Variants in TFIP11 observed in about 807,000 individuals in gnomAD.
The protein encoded by TFIP11 is tuftelin interacting protein 11, also known as tuftelin-interacting protein 11.
Under a neutral mutation model 96.8 loss-of-function variants are expected in TFIP11, and 86 were observed. The observed-to-expected ratio is 0.89, with a 90% CI of 0.75 to 1.06. TFIP11 has a LOEUF of 1.06. Ranked by LOEUF, TFIP11 falls within the 50% of genes least tolerant of loss-of-function variation. TFIP11 has a pLI of 0.00. For synonymous variants in TFIP11, 405 were observed against 395.2 expected, an observed-to-expected ratio of 1.02 and a Z score of -0.29; for missense variants, 881 against 1,076.7, an observed-to-expected ratio of 0.82 and a Z score of 2.54.
chr22:26,506,956 A>G, intron 4 of TFIP11, 28 bp from the exon 5 acceptor site: 1 of 1,609,200 alleles, frequency 6.2e-7, no homozygotes, highest in Non-Finnish European at 8.5e-7. Context: ...AAGCCCCACC[A>G]GGTCGGTAAA....
chr22:26,494,175 G>C lies in TFIP11; in HGVS notation c.2122C>G (p.Leu708Val). 1 of 1,614,220 alleles carries C rather than the reference G, an allele frequency of 6.2e-7. No individual in the cohort carries two copies. The change falls in exon 14 of 15, where the codon CTT (leucine) becomes GTT (valine). Residue 708 changes from leucine (L) to valine (V), a missense_variant. By Grantham distance (32) the Leu-to-Val change is conservative (BLOSUM62 1). Transcript: ENST00000407690. ...PSVKDKFNEALDIMNRAVSSN... is the reference protein window; with the variant it reads ...PSVKDKFNEAVDIMNRAVSSN... Reference sequence around the variant, plus strand: ...GACACCGCCCGGTTCATGATATCAAGTGCCTCATTAAATTTGTCCTTGACA... The same window carrying C: ...GACACCGCCCGGTTCATGATATCAACTGCCTCATTAAATTTGTCCTTGACA...
chr22:26,491,597 A>G lies in TFIP11; in HGVS notation c.*416T>C. The G allele has an allele frequency of 6.2e-7, 1 of 1,614,212 alleles. No individual in the cohort carries two copies. The highest frequency in any genetic ancestry group is 8.5e-7 in the Non-Finnish European group (1 of 1,180,044). ...CCATAGATATTTGGGAGTTTCGGGA[A>G]GAACCAGATTATCAGGACTGTGAGG... On this transcript the variant is annotated 3_prime_UTR_variant, in exon 15 of 15. Transcript: ENST00000407690.
At chr22:26,498,326 C>T (rs957184821) in intron 10 of TFIP11, among the ~76,000 whole-genome samples, 2 of 152,238 alleles carry the variant, frequency 1.3e-5, no homozygotes, top group South Asian at 2.1e-4. Context: ...GGGTGGATCA[C>T]GAGGTCAGGA....
At chr22:26,500,878 C>CAT (rs1819946252) in intron 8 of TFIP11, among the ~76,000 whole-genome samples, 2 of 102,060 alleles carry the variant, frequency 2.0e-5, no homozygotes, top group Non-Finnish European at 3.8e-5. Context: ...TAACGGAAAA[C>CAT]TTTTTTTTTT....
chr22:26,505,305 A>C (rs1923264541), intron 6 of TFIP11, among the ~76,000 whole-genome samples: 1 of 152,102 alleles, frequency 6.6e-6, no homozygotes, highest in Admixed American at 6.6e-5. Context: ...AGACAGGAGG[A>C]GACTGGGCTA....
In TFIP11 at chr22:26,492,255, C is replaced by T. The variant is rs147941626; in HGVS notation, c.2272G>A (p.Ala758Thr). ...MQERREAENM[A>T]QRGIGVAASS... ...GCGGCCACGCCAATGCCCCTCTGAG[C>T]CATGTTCTCAGCCTCCCGCCTCTCC... The change falls in exon 15 of 15, where the codon GCT becomes ACT. Residue 758 changes from alanine (A) to threonine (T), a missense_variant. Physicochemically the swap from Ala to Thr is moderately conservative, Grantham distance 58. Coordinates refer to ENST00000407690, the MANE Select transcript of TFIP11 (RefSeq NM_012143.4). The T allele has an allele frequency of 1.6e-4, 265 of 1,614,106 alleles. No homozygotes were observed. Among genetic ancestry groups the T allele is most frequent in the Non-Finnish European group, 2.1e-4 (242 of 1,180,052 alleles).
chr22:26,509,239 A>T (rs1222471339), intron 4 of TFIP11, among the ~76,000 whole-genome samples: 1 of 152,052 alleles, frequency 6.6e-6, no homozygotes, highest in Non-Finnish European at 1.5e-5. Context: ...ATCCTTGTGG[A>T]TACCGTGATG....
At position 26,510,171 on chromosome 22, in the gene TFIP11, C is replaced by T. The variant is rs1382968015; in HGVS notation, c.102G>A (p.Glu34=). The T allele has an allele frequency of 1.2e-6, 2 of 1,614,168 alleles. No homozygotes were observed. Among genetic ancestry groups the T allele is most frequent in the South Asian group, 1.1e-5 (1 of 91,072 alleles). The change falls in exon 4 of 15, where the codon GAG becomes GAA. Residue 34 remains glutamate (E), a synonymous_variant. Transcript: ENST00000407690. ...AGTGGCGCTGTCGGTTGGGGTTGAA[C>T]TCATTCTGGAGATCCCAGTCAGTGA... ...FEITDWDLQN[E]FNPNRQRHWQ...
Position 26,491,565 on chromosome 22 carries a change from C to T in TFIP11, c.*448G>A. 6.2e-7 allele frequency: 1 copy of T among 1,614,072 alleles called. No homozygotes were observed. ...CTGGTTCCCTGTGCAAAAGCTAGAACAGCTCTCCATAGATATTTGGGAGTT... is the reference window on the plus strand; with the variant it reads ...CTGGTTCCCTGTGCAAAAGCTAGAATAGCTCTCCATAGATATTTGGGAGTT... On this transcript the variant is annotated 3_prime_UTR_variant, in exon 15 of 15. Coordinates refer to ENST00000407690, the MANE Select transcript of TFIP11 (RefSeq NM_012143.4).
chr22:26,496,925 A>G (rs1220564803), intron 10 of TFIP11, 36 bp from the exon 11 acceptor site: 1 of 1,608,196 alleles, frequency 6.2e-7, no homozygotes, highest in South Asian at 1.1e-5. Flanking sequence ...CTGGTTAATT[A>G]CACTGACTGG....
chr22:26,503,941 A>G (rs1923110925), intron 6 of TFIP11, 148 bp from the exon 7 acceptor site: 3 of 1,031,514 alleles, frequency 2.9e-6, no homozygotes, highest in African/African-American at 3.2e-5. Flanking sequence ...TGCCCTCAGA[A>G]CACTACTCTT....
At position 26,503,659 on chromosome 22, in the gene TFIP11, C is replaced by T. The variant is rs1923052521; in HGVS notation, c.648+7G>A. On this transcript the variant is annotated splice_region_variant and intron_variant, in intron 7 of 14. Coordinates refer to ENST00000407690, the MANE Select transcript of TFIP11 (RefSeq NM_012143.4). ...CCATCCACCCATGTCTCCTGACTTC[C>T]AGTTACCTCTTCAGCTTCTTCCTCT... is the stretch of plus-strand genomic sequence containing the variant. The T allele has an allele frequency of 1.9e-6, 3 of 1,613,886 alleles. No individual in the cohort carries two copies. Among genetic ancestry groups the T allele is most frequent in the Non-Finnish European group, 2.5e-6 (3 of 1,179,954 alleles).
In TFIP11 at chr22:26,496,174, G is replaced by T; in HGVS notation, c.1748C>A (p.Pro583His). 1 of 1,613,888 alleles carries T rather than the reference G, an allele frequency of 6.2e-7. No homozygotes were observed. Among genetic ancestry groups the T allele is most frequent in the East Asian group, 2.2e-5 (1 of 44,870 alleles). Residue 583 changes from proline to histidine, a missense_variant, in exon 12 of 15, where the codon CCC (proline) becomes CAC (histidine). Pro to His is a moderately conservative substitution (Grantham distance 77). Transcript: ENST00000407690. Reference sequence around the variant, plus strand: ...GATGAGCTTGGCAGAGGAGTCGCTGGGGTGCCACTTCTGCAGGGCGCTGGA... The same window carrying T: ...GATGAGCTTGGCAGAGGAGTCGCTGTGGTGCCACTTCTGCAGGGCGCTGGA... ...KLSSALQKWHPSDSSAKLILQ... is the reference protein window; with the variant it reads ...KLSSALQKWHHSDSSAKLILQ...
At position 26,491,537 on chromosome 22, in the gene TFIP11, C is replaced by G; in HGVS notation, c.*476G>C. 2.5e-6 allele frequency: 4 copies of G among 1,614,116 alleles called. No homozygotes were observed. The highest frequency in any genetic ancestry group is 3.4e-6 in the Non-Finnish European group (4 of 1,179,982). ...TGGACATATTTAATGATACCTCTGTCCACTGGTTCCCTGTGCAAAAGCTAG... is the reference window on the plus strand; with the variant it reads ...TGGACATATTTAATGATACCTCTGTGCACTGGTTCCCTGTGCAAAAGCTAG... On this transcript the variant is annotated 3_prime_UTR_variant, in exon 15 of 15. Coordinates refer to ENST00000407690, the MANE Select transcript of TFIP11 (RefSeq NM_012143.4).
intron 6 of TFIP11, among the ~76,000 whole-genome samples, chr22:26,504,770 A>G (rs1370831298): frequency 2.0e-5 from 3 of 152,034 alleles, no homozygotes; most frequent in African/African-American, 7.2e-5. Context: ...CATAACCTGG[A>G]TTTCACTTTA....
At chr22:26,509,267 T>C (rs1046811240) in intron 4 of TFIP11, among the ~76,000 whole-genome samples, 1 of 152,202 alleles carries the variant, frequency 6.6e-6, no homozygotes, top group African/African-American at 2.4e-5. Flanking sequence ...TCAAGGGCCT[T>C]TGCATATTGG....
At position 26,491,722 on chromosome 22, in the gene TFIP11, G is replaced by C. The variant is rs1921212073; in HGVS notation, c.*291C>G. 1.3e-6 allele frequency: 2 copies of C among 1,519,616 alleles called. No homozygotes were observed. The highest frequency in any genetic ancestry group is 2.7e-5 in the African/African-American group (2 of 72,820). 94.1% of individuals were successfully genotyped at this position (1,519,616 alleles called of 1,614,324 possible). ...GGCTGAGGTAGAAGCTGCCACCAGA[G>C]ACTAAAGGGAAGGCTGCTATGGAGG... On this transcript the variant is annotated 3_prime_UTR_variant, in exon 15 of 15. Transcript: ENST00000407690.
chr22:26,509,855 CA>C lies in TFIP11; in HGVS notation c.209+208del, dbSNP rs555150719. Among the ~76,000 whole-genome samples the C allele has an allele frequency of 8.7e-3, 1,319 of 151,450 alleles. 20 individuals are homozygous for C. The highest frequency in any genetic ancestry group is 0.03 in the African/African-American group (1,258 of 41,320). ...TGGGCAACAAAGTGAAACCGTGTCT[CA>C]AAAAAAATAATAATAAATAGAATAA... On this transcript the variant is annotated intron_variant, in intron 4 of 14. Coordinates refer to ENST00000407690, the MANE Select transcript of TFIP11 (RefSeq NM_012143.4).
At chr22:26,498,811 C>T in intron 10 of TFIP11, 58 bp downstream of exon 10, 1 of 1,435,268 alleles carries the variant, frequency 7.0e-7, no homozygotes. Flanking sequence ...CTTCAGCAAT[C>T]CTTCCCAACC....
Sources: allele counts gnomAD v4.1 joint callset (sites outside exome capture counted in the v4.1 genomes callset), GRCh38; gene constraint gnomAD v4.1.1; transcripts MANE v1.5; gene names NCBI Gene and HGNC (gene_info 2026-07-23, HGNC 2026-07-21).